The following MALT1 variants were observed in gnomAD, a reference collection of about 807,000 sequenced individuals.
MALT1 encodes MALT1 paracaspase, also known as mucosa-associated lymphoid tissue lymphoma translocation protein 1.
Under a neutral mutation model 85.5 loss-of-function variants are expected in MALT1, and 36 were observed. The ratio of observed to expected loss-of-function variants is 0.42; its 90% CI spans 0.32 to 0.56. The LOEUF (loss-of-function observed/expected upper bound fraction) is 0.56. MALT1 is among the 20% of genes least tolerant of loss of function. The probability of loss-of-function intolerance (pLI) is 0.10; values close to 1 mark genes in which losing one functional copy is unlikely to be tolerated. For missense variants in MALT1, 716 were observed against 981.6 expected (o/e 0.73, Z 3.62); for synonymous variants, 359 against 361.3 (o/e 0.99, Z 0.07).
At chr18:58,698,823 C>A (rs2054631392) in intron 3 of MALT1, among the ~76,000 whole-genome samples, 1 of 152,146 alleles carries the variant, frequency 6.6e-6, no homozygotes, top group Non-Finnish European at 1.5e-5. Context: ...GGGAGAAGAA[C>A]AAGGGAAGAT....
chr18:58,744,173 T>C (rs2055336892), intron 14 of MALT1, among the ~76,000 whole-genome samples, 165 bp from the exon 15 acceptor site: 1 of 151,888 alleles, frequency 6.6e-6, no homozygotes. Context: ...TGAAAGACTT[T>C]GTTTGGCCAG....
intron 10 of MALT1, among the ~76,000 whole-genome samples, chr18:58,724,134 G>T (rs1016256649): frequency 6.6e-6 from 1 of 152,134 alleles, no homozygotes; most frequent in Non-Finnish European, 1.5e-5. Flanking sequence ...AATAATTTCT[G>T]AATTTACTCT....
At chr18:58,694,610 C>T (rs2054561340) in intron 2 of MALT1, among the ~76,000 whole-genome samples, 1 of 152,190 alleles carries the variant, frequency 6.6e-6, no homozygotes, top group South Asian at 2.1e-4. Context: ...GCTTTTCTAG[C>T]TTTGGTTTCT....
At chr18:58,718,558 T>A (rs1181739496) in intron 9 of MALT1, among the ~76,000 whole-genome samples, 1 of 152,126 alleles carries the variant, frequency 6.6e-6, no homozygotes, top group Non-Finnish European at 1.5e-5. Flanking sequence ...ATGGAACAAT[T>A]TCATCTCAAA....
chr18:58,671,863 G>A lies in MALT1; in HGVS notation c.209+11G>A, dbSNP rs2054166570. The A allele has an allele frequency of 8.2e-7, 1 of 1,217,184 alleles. No homozygotes were observed. Among genetic ancestry groups the A allele is most frequent in the African/African-American group, 1.6e-5 (1 of 63,608 alleles). The allele number at this position is 1,217,184 out of a possible 1,614,324, so 75.4% of individuals were successfully genotyped here. A position where few individuals can be genotyped will look rare whatever the true frequency, so the allele number is the denominator to read the frequency against. ...GCGCCTCCGCCTCAGGTGAGCTCAG[G>A]GCCGCGGCAGGCCGGGCGCGCGGGT... On this transcript the variant is annotated intron_variant, in intron 1 of 16. Coordinates refer to ENST00000649217, the MANE Select transcript of MALT1 (RefSeq NM_006785.4).
intron 16 of MALT1, 103 bp downstream of exon 16, chr18:58,745,894 G>C: frequency 1.9e-6 from 2 of 1,056,754 alleles, no homozygotes; most frequent in Non-Finnish European, 2.7e-6. Context: ...TTAAAGTAGA[G>C]ATAACCAGTC....
At chr18:58,712,514 G>A (rs969979549) in intron 7 of MALT1, among the ~76,000 whole-genome samples, 2 of 152,136 alleles carry the variant, frequency 1.3e-5, no homozygotes, top group Non-Finnish European at 2.9e-5. Context: ...TCTCATGGAG[G>A]TAGAGAGTAG....
intron 14 of MALT1, among the ~76,000 whole-genome samples, chr18:58,744,105 G>T (rs1407241837): frequency 1.3e-5 from 2 of 151,730 alleles, no homozygotes; most frequent in Non-Finnish European, 2.9e-5. Context: ...GCATATTTTT[G>T]ATTGCCACAA....
chr18:58,700,342 C>A, intron 3 of MALT1, 99 bp from the exon 4 acceptor site: 1 of 936,474 alleles, frequency 1.1e-6, no homozygotes, highest in Non-Finnish European at 1.5e-6. Flanking sequence ...AAATGTTGCA[C>A]TTTCAAAGCT....
intron 4 of MALT1, among the ~76,000 whole-genome samples, chr18:58,705,308 G>T (rs112347489): frequency 6.7e-6 from 1 of 149,348 alleles, no homozygotes; most frequent in Admixed American, 6.6e-5. Flanking sequence ...GTGTGTGTGT[G>T]TGTGTGTGTG....
In MALT1 at chr18:58,753,399, G is replaced by A. The variant is rs185604444; in HGVS notation, c.*5557G>A. 1 of 152,058 alleles carries A rather than the reference G, an allele frequency of 6.6e-6. No homozygotes were observed. The highest frequency in any genetic ancestry group is 2.4e-5 in the African/African-American group (1 of 41,388). The allele number at this position is 152,058 out of a possible 1,614,324, so 9.4% of individuals were successfully genotyped here. ...AGTAGTATCTACTAAAATAAACAGGGTTTCACCATGTTGGCCAGGCTGGTC... is the reference window on the plus strand; with the variant it reads ...AGTAGTATCTACTAAAATAAACAGGATTTCACCATGTTGGCCAGGCTGGTC... On this transcript the variant is annotated 3_prime_UTR_variant, in exon 17 of 17. Transcript: ENST00000649217.
Position 58,747,846 on chromosome 18 carries a change from C to T in MALT1, c.*4C>T. 1.2e-6 allele frequency: 2 copies of T among 1,607,898 alleles called. No homozygotes were observed. Among genetic ancestry groups the T allele is most frequent in the East Asian group, 2.2e-5 (1 of 44,800 alleles). The stretch of plus-strand genomic sequence containing the variant: ...GCTCAGAATTTCTGAAAAATGACCT[C>T]CTTGTTTTTGAAAGTTAGCATAATT... On this transcript the variant is annotated 3_prime_UTR_variant, in exon 17 of 17. Transcript: ENST00000649217.
At chr18:58,681,547 A>G (rs2054322393) in intron 2 of MALT1, among the ~76,000 whole-genome samples, 1 of 152,210 alleles carries the variant, frequency 6.6e-6, no homozygotes, top group Admixed American at 6.5e-5. Flanking sequence ...CATTTTTGAG[A>G]TAGTTGGAAA....
intron 9 of MALT1, among the ~76,000 whole-genome samples, chr18:58,722,836 T>A (rs1298079369): frequency 6.6e-5 from 10 of 152,220 alleles, no homozygotes; most frequent in Admixed American, 6.5e-4. Context: ...TGAATATGCT[T>A]AATTTCAGTT....
chr18:58,684,840 T>C (rs1288190361), intron 2 of MALT1, among the ~76,000 whole-genome samples: 3 of 152,194 alleles, frequency 2.0e-5, no homozygotes, highest in Non-Finnish European at 4.4e-5. Context: ...ATAAAAACTA[T>C]TTTAATTATA....
chr18:58,700,959 A>C (rs1029037795), intron 4 of MALT1, among the ~76,000 whole-genome samples: 5 of 151,688 alleles, frequency 3.3e-5, no homozygotes, highest in African/African-American at 1.2e-4. Flanking sequence ...CACCTGGGTA[A>C]TTTTTGTATT....
chr18:58,738,023 T>C (rs1375992633), intron 13 of MALT1, among the ~76,000 whole-genome samples: 2 of 152,242 alleles, frequency 1.3e-5, no homozygotes, highest in African/African-American at 4.8e-5. Flanking sequence ...GTGTTGAACA[T>C]ACTACTGAAG....
chr18:58,747,535 G>A lies in MALT1; in HGVS notation c.2168G>A (p.Arg723Lys). Residue 723 changes from arginine to lysine, a missense_variant, in exon 17 of 17, where the codon AGG becomes AAG. By Grantham distance (26) the Arg-to-Lys change is conservative (BLOSUM62 2). Around this residue, in one of 4 missense-constraint regions of MALT1, gnomAD observed 260 missense variants for 323.7 expected, o/e 0.80. Coordinates refer to ENST00000649217, the MANE Select transcript of MALT1 (RefSeq NM_006785.4). ...AKLDMHRGLG[R>K]KTCFQTCLMS... The stretch of plus-strand genomic sequence containing the variant: ...TTAGACATGCATCGAGGTTTGGGAA[G>A]GAAGACTTGCTTTCAAACTTGTCTT... 1.9e-6 allele frequency: 3 copies of A among 1,614,154 alleles called. No individual in the cohort carries two copies. The highest frequency in any genetic ancestry group is 1.1e-5 in the South Asian group (1 of 91,082).
At chr18:58,687,015 G>A (rs1366194807) in intron 2 of MALT1, among the ~76,000 whole-genome samples, 1 of 152,152 alleles carries the variant, frequency 6.6e-6, no homozygotes, top group East Asian at 1.9e-4. Context: ...ATAATGCTAG[G>A]AAATTTCTGA....
Sources: gnomAD v4.1 joint callset for allele counts (sites outside exome capture counted in the v4.1 genomes callset) on GRCh38, gnomAD v4.1.1 for gene constraint, gnomAD v4.1.1 regional missense constraint, MANE v1.5 for transcripts, NCBI Gene and HGNC (gene_info 2026-07-23, HGNC 2026-07-21) for gene names.